SLC24A1: variants seen among roughly 807,000 people sequenced by gnomAD.
SLC24A1 encodes the protein solute carrier family 24 member 1, also known as sodium/potassium/calcium exchanger 1.
In SLC24A1, 52 loss-of-function variants were observed where a neutral mutation model predicts 88.1. The ratio of observed to expected loss-of-function variants is 0.59; its 90% CI spans 0.47 to 0.74. The LOEUF (loss-of-function observed/expected upper bound fraction) is 0.74. Among genes scored for constraint, SLC24A1 ranks in the 30% least tolerant of loss-of-function variants. The pLI, the probability that SLC24A1 is intolerant of heterozygous loss-of-function variation, is 0.00. For missense variants in SLC24A1, 1,173 were observed against 1,363.3 expected (o/e 0.86, Z 2.20); for synonymous variants, 455 against 498.0 (o/e 0.91, Z 1.15).
At chr15:65,646,368 C>T (rs542098092) in intron 6 of SLC24A1, among the ~76,000 whole-genome samples, 126 of 152,236 alleles carry the variant, frequency 8.3e-4, no homozygotes, top group African/African-American at 2.7e-3. Context: ...TGAGCCACCA[C>T]GCCCGGCCGT....
intron 9 of SLC24A1, chr15:65,653,050 T>A (rs146381566): frequency 3.0e-6 from 1 of 337,502 alleles, no homozygotes; most frequent in East Asian, 5.0e-5. Flanking sequence ...AAAACCAAAG[T>A]CCATTTCATT....
intron 2 of SLC24A1, among the ~76,000 whole-genome samples, chr15:65,634,959 C>T (rs1458110995): frequency 2.0e-5 from 3 of 151,790 alleles, no homozygotes; most frequent in Non-Finnish European, 4.4e-5. Context: ...CAGAGTTGGT[C>T]GTATCAAATA....
Position 65,650,839 on chromosome 15 carries a change from T to C in SLC24A1, c.2690T>C (p.Leu897Pro). ...GAGGAGAAGGGAAATGAAGAGCCTC[T>C]GTCCCTGGACTGGCCTGAAACCAGG... ...EEEEKGNEEP[L>P]SLDWPETRQK... Residue 897 changes from leucine to proline, a missense_variant, in exon 7 of 10, where the codon CTG becomes CCG. Transcript: ENST00000261892. This position sits in a 1 kb window ranked among gnomAD's most constrained non-coding sequence, Gnocchi z 4.1. 6.2e-7 allele frequency: 1 copy of C among 1,613,788 alleles called. No homozygotes were observed.
chr15:65,627,159 G>C (rs1241427422), intron 2 of SLC24A1, among the ~76,000 whole-genome samples: 1 of 152,154 alleles, frequency 6.6e-6, no homozygotes, highest in Non-Finnish European at 1.5e-5. Context: ...ATGTTGTTCT[G>C]GCCAAAGCAC....
chr15:65,648,666 TTA>T (rs1400121544), intron 6 of SLC24A1, among the ~76,000 whole-genome samples: 1 of 151,654 alleles, frequency 6.6e-6, no homozygotes, highest in East Asian at 1.9e-4. Context: ...TAATTTTTAT[TTA>T]TTTATTTTTT....
chr15:65,655,870 C>G lies in SLC24A1; in HGVS notation c.*1791C>G. ...TGAATCCCAATGGTATTTTACTTTA[C>G]AACATGGATGGGCTCATCCTTATCT... is the stretch of plus-strand genomic sequence containing the variant. On this transcript the variant is annotated 3_prime_UTR_variant, in exon 10 of 10. Coordinates refer to ENST00000261892, the MANE Select transcript of SLC24A1 (RefSeq NM_004727.3). 1 of 985,124 alleles carries G rather than the reference C, an allele frequency of 1.0e-6. No homozygotes were observed. The highest frequency in any genetic ancestry group is 1.2e-6 in the Non-Finnish European group (1 of 829,670). The allele number at this position is 985,124 out of a possible 1,614,324, so 61.0% of individuals were successfully genotyped here.
chr15:65,655,418 A>G lies in SLC24A1; in HGVS notation c.*1339A>G, dbSNP rs995879243. On this transcript the variant is annotated 3_prime_UTR_variant, in exon 10 of 10. Coordinates refer to ENST00000261892, the MANE Select transcript of SLC24A1 (RefSeq NM_004727.3). Reference sequence around the variant, plus strand: ...AATGACAACATGGTGAGAAAAGTGCAGTACTACTTCCAAGGTAGCTAGTGT... The same window carrying G: ...AATGACAACATGGTGAGAAAAGTGCGGTACTACTTCCAAGGTAGCTAGTGT... 2 of 985,322 alleles carry G rather than the reference A, an allele frequency of 2.0e-6. No individual in the cohort carries two copies. Among genetic ancestry groups the G allele is most frequent in the African/African-American group, 3.5e-5 (2 of 57,256 alleles). 61.0% of individuals were successfully genotyped at this position (985,322 alleles called of 1,614,324 possible).
Position 65,655,452 on chromosome 15 carries a change from C to T in SLC24A1, c.*1373C>T, listed in dbSNP as rs189679997. The T allele has an allele frequency of 6.8e-5, 67 of 985,274 alleles. No individual in the cohort carries two copies. The African/African-American group carries it at 1.0e-3, about 15-fold the overall frequency. The allele number at this position is 985,274 out of a possible 1,614,324, so 61.0% of individuals were successfully genotyped here. A position where few individuals can be genotyped will look rare whatever the true frequency, so the allele number is the denominator to read the frequency against. ...TCCAAGGTAGCTAGTGTAAAGGACA[C>T]TTGAGTTTTTAAAACTGTGGTTAAA... On this transcript the variant is annotated 3_prime_UTR_variant, in exon 10 of 10. Coordinates refer to ENST00000261892, the MANE Select transcript of SLC24A1 (RefSeq NM_004727.3).
intron 2 of SLC24A1, among the ~76,000 whole-genome samples, chr15:65,628,435 G>A (rs2074591761): frequency 6.6e-6 from 1 of 152,214 alleles, no homozygotes; most frequent in Non-Finnish European, 1.5e-5. Flanking sequence ...TAAGTATTTA[G>A]TTCAGTTTCC....
chr15:65,626,105 T>C, intron 2 of SLC24A1, 135 bp downstream of exon 2: 1 of 715,302 alleles, frequency 1.4e-6, no homozygotes, highest in East Asian at 2.6e-5. Context: ...TTATTCAACA[T>C]TTATAGAGTA....
In SLC24A1 at chr15:65,623,209, C is replaced by T. The variant is rs2074380463; in HGVS notation, c.-126-746C>T. ...AAGTCACCTTCTGACCTTTGATCCT[C>T]AGTTTCCCTTCCCCAGATGTCCTTC... On this transcript the variant is annotated intron_variant, in intron 1 of 9. Transcript: ENST00000261892. Among the ~76,000 whole-genome samples, 5 of 152,174 alleles carry T rather than the reference C, an allele frequency of 3.3e-5. No individual in the cohort carries two copies. In the South Asian group the frequency reaches 1.0e-3, roughly 32 times the overall value.
rs769140734 is a variant in SLC24A1, at chr15:65,625,796, C to T, written c.1716C>T (p.Leu572=). 62 of 1,613,932 alleles carry T rather than the reference C, an allele frequency of 3.8e-5. No individual in the cohort carries two copies. The highest frequency in any genetic ancestry group is 2.7e-4 in the Admixed American group (16 of 60,008). ...VSFYILDLIM[L]ILFFLDSLIA... ...TCTACATCCTTGACCTGATAATGCT[C>T]ATCCTCTTCTTCCTGGACAGCCTCA... The change falls in exon 2 of 10, where the codon CTC becomes CTT. Residue 572 remains leucine (L), a synonymous_variant. Transcript: ENST00000261892.
In SLC24A1 at chr15:65,650,971, C is replaced by T; in HGVS notation, c.2793+29C>T. On this transcript the variant is annotated intron_variant, in intron 7 of 9. Coordinates refer to ENST00000261892, the MANE Select transcript of SLC24A1 (RefSeq NM_004727.3). The surrounding 1 kb of genome is among the most constrained non-coding windows in gnomAD (Gnocchi z 4.1). The stretch of plus-strand genomic sequence containing the variant: ...AGTGTGCCCATCTGTATCTCAGACT[C>T]TTTATCCCCAGCAGGGCTGTGGGGT... 1 of 1,596,248 alleles carries T rather than the reference C, an allele frequency of 6.3e-7. No individual in the cohort carries two copies. Among genetic ancestry groups the T allele is most frequent in the Non-Finnish European group, 8.6e-7 (1 of 1,163,802 alleles).
At chr15:65,644,683 C>T (rs1254968483) in intron 5 of SLC24A1, among the ~76,000 whole-genome samples, 170 bp downstream of exon 5, 9 of 152,172 alleles carry the variant, frequency 5.9e-5, no homozygotes, top group African/African-American at 1.4e-4. Context: ...GATCGCCGCT[C>T]CACTCCAGAC....
At chr15:65,615,312 C>A (rs2074101584) in intron 2 of SLC24A1, among the ~76,000 whole-genome samples, 1 of 152,176 alleles carries the variant, frequency 6.6e-6, no homozygotes, top group South Asian at 2.1e-4. Context: ...TCTCTTAAAA[C>A]CTTAGTGGCA....
rs936251565 is a variant in SLC24A1, at chr15:65,624,132, A to G, written c.52A>G (p.Lys18Glu). 11 of 1,613,056 alleles carry G rather than the reference A, an allele frequency of 6.8e-6. No homozygotes were observed. The highest frequency in any genetic ancestry group is 9.3e-6 in the Non-Finnish European group (11 of 1,179,562). Residue 18 changes from lysine (K) to glutamate (E), a missense_variant, in exon 2 of 10, where the codon AAG (lysine) becomes GAG (glutamate). Physicochemically the swap from Lys to Glu is moderately conservative, Grantham distance 56. Transcript: ENST00000261892. Reference sequence around the variant, plus strand: ...GCAAGAGAGGTGGTTACTCCGGACAAAGCGGCTTCATTGGAGTCGCCTCCT... The same window carrying G: ...GCAAGAGAGGTGGTTACTCCGGACAGAGCGGCTTCATTGGAGTCGCCTCCT... ...GPQERWLLRT[K>E]RLHWSRLLFL...
intron 6 of SLC24A1, among the ~76,000 whole-genome samples, chr15:65,649,140 G>A (rs1291500559): frequency 6.6e-6 from 1 of 152,100 alleles, no homozygotes; most frequent in African/African-American, 2.4e-5. Flanking sequence ...GTCTTGCTCT[G>A]TCACCCAGGC....
chr15:65,630,964 C>T (rs1031509348), intron 2 of SLC24A1, among the ~76,000 whole-genome samples: 2 of 151,950 alleles, frequency 1.3e-5, no homozygotes, highest in African/African-American at 4.8e-5. Context: ...GAGCAAGACT[C>T]TGTCTCAAAA....
chr15:65,623,911 A>T (rs1471799834), intron 1 of SLC24A1, 44 bp from the exon 2 acceptor site: 1 of 561,884 alleles, frequency 1.8e-6, no homozygotes, highest in African/African-American at 1.9e-5. Context: ...TGGATCCCAG[A>T]TCTCCTCTTA....
Sources: gnomAD v4.1 joint callset for allele counts (sites outside exome capture counted in the v4.1 genomes callset) on GRCh38, gnomAD v4.1.1 for gene constraint, Gnocchi (gnomAD v3.1) non-coding constraint, MANE v1.5 for transcripts, NCBI Gene and HGNC (gene_info 2026-07-23, HGNC 2026-07-21) for gene names.